The following LRMDA variants were observed in gnomAD, a reference collection of about 807,000 sequenced individuals.
LRMDA encodes leucine-rich melanocyte differentiation-associated protein.
LRMDA carries 18 observed loss-of-function variants against 29.8 expected under a neutral mutation model. The ratio of observed to expected loss-of-function variants is 0.60; its 90% CI spans 0.42 to 0.90. The LOEUF (loss-of-function observed/expected upper bound fraction) is 0.90, where lower values mean the gene tolerates loss of function less well. Ranked by LOEUF, LRMDA falls within the 40% of genes least tolerant of loss-of-function variation. The pLI, the probability that LRMDA is intolerant of heterozygous loss-of-function variation, is 0.00. For missense variants in LRMDA, 273 were observed against 273.9 expected (o/e 1.00, Z 0.02); for synonymous variants, 125 against 109.4 (o/e 1.14, Z -0.89).
At chr10:75,696,332 T>C (rs966765629) in intron 2 of LRMDA, among the ~76,000 whole-genome samples, 11 of 152,238 alleles carry the variant, frequency 7.2e-5, no homozygotes, top group African/African-American at 2.7e-4. Flanking sequence ...TCTTGGGCAT[T>C]GCTGGACACT....
At chr10:76,323,499 TA>T (rs899998617) in intron 5 of LRMDA, among the ~76,000 whole-genome samples, 49 of 148,590 alleles carry the variant, frequency 3.3e-4, no homozygotes, top group South Asian at 6.4e-4. Context: ...TTTGGGATAT[TA>T]AAAAAAAAAG....
At chr10:75,575,285 C>G (rs551895408) in intron 2 of LRMDA, among the ~76,000 whole-genome samples, 1 of 152,216 alleles carries the variant, frequency 6.6e-6, no homozygotes, top group Non-Finnish European at 1.5e-5. Context: ...AATCTCATGT[C>G]CTTCTCACAT....
chr10:75,923,455 G>A (rs936112843), intron 2 of LRMDA, among the ~76,000 whole-genome samples: 2 of 152,090 alleles, frequency 1.3e-5, no homozygotes, highest in African/African-American at 2.4e-5. Context: ...AAAAACAGCC[G>A]GGAGAGGAAC....
intron 2 of LRMDA, among the ~76,000 whole-genome samples, chr10:75,741,662 A>G (rs1238809361): frequency 2.0e-5 from 3 of 152,158 alleles, no homozygotes; most frequent in Non-Finnish European, 4.4e-5. Context: ...TTTCAGAGCA[A>G]CCGCGTTCTT....
At chr10:76,279,902 A>G (rs1026859368) in intron 5 of LRMDA, among the ~76,000 whole-genome samples, 9 of 152,206 alleles carry the variant, frequency 5.9e-5, no homozygotes, top group African/African-American at 2.2e-4. Flanking sequence ...TGAGAAGTGA[A>G]GTAACCAGCC....
At chr10:76,466,041 T>C (rs1381442028) in intron 6 of LRMDA, among the ~76,000 whole-genome samples, 1 of 152,230 alleles carries the variant, frequency 6.6e-6, no homozygotes, top group Non-Finnish European at 1.5e-5. Context: ...CTGTGAATTT[T>C]TGGTGGGGCA....
Position 75,844,049 on chromosome 10 carries a change from C to T in LRMDA, c.132-191959C>T, listed in dbSNP as rs12354868. Reference sequence around the variant, plus strand: ...GAAAAAGTCCCCTCTCAGTGAGTGACTCCCTGGGCTAATTGCTGCATTACT... The same window carrying T: ...GAAAAAGTCCCCTCTCAGTGAGTGATTCCCTGGGCTAATTGCTGCATTACT... On this transcript the variant is annotated intron_variant, in intron 2 of 6. Transcript: ENST00000611255. Among the ~76,000 whole-genome samples the T allele has an allele frequency of 6.7e-3, 1,013 of 152,230 alleles. 2 individuals are homozygous for T. The highest frequency in any genetic ancestry group is 0.01 in the Non-Finnish European group (697 of 68,000).
intron 3 of LRMDA, among the ~76,000 whole-genome samples, chr10:76,043,227 G>T (rs1013847241): frequency 3.9e-5 from 6 of 152,170 alleles, no homozygotes; most frequent in Admixed American, 3.9e-4. Context: ...ATTGATGAAT[G>T]AGTTTGTTAA....
At chr10:76,545,817 A>G (rs1843414982) in intron 6 of LRMDA, among the ~76,000 whole-genome samples, 1 of 152,116 alleles carries the variant, frequency 6.6e-6, no homozygotes, top group African/African-American at 2.4e-5. Context: ...TTACAAGAGT[A>G]AAAAGCAATG....
chr10:75,785,097 G>A (rs1843449733), intron 2 of LRMDA, among the ~76,000 whole-genome samples: 2 of 152,210 alleles, frequency 1.3e-5, no homozygotes, highest in Admixed American at 6.5e-5. Context: ...ATGCAGCTGC[G>A]TGGATTCCTG....
At chr10:75,929,086 T>C (rs1263347941) in intron 2 of LRMDA, among the ~76,000 whole-genome samples, 1 of 152,162 alleles carries the variant, frequency 6.6e-6, no homozygotes, top group Non-Finnish European at 1.5e-5. Flanking sequence ...CTGAAAGCAC[T>C]CTGGGTCCTG....
intron 2 of LRMDA, among the ~76,000 whole-genome samples, chr10:75,957,090 G>T (rs1017026604): frequency 2.0e-5 from 3 of 152,210 alleles, no homozygotes; most frequent in Non-Finnish European, 4.4e-5. Context: ...TACTTAAGAA[G>T]TGTTTGCTAA....
intron 6 of LRMDA, among the ~76,000 whole-genome samples, chr10:76,413,850 T>A (rs1262355187): frequency 2.0e-5 from 3 of 152,192 alleles, no homozygotes; most frequent in Non-Finnish European, 4.4e-5. Context: ...CCTACATTTA[T>A]TGAGCACTTG....
chr10:75,451,235 G>C (rs1164088577), intron 2 of LRMDA: 2 of 152,202 alleles, frequency 1.3e-5, no homozygotes, highest in African/African-American at 2.4e-5. Flanking sequence ...TAGATACTGC[G>C]TGAGTGTGTC....
intron 6 of LRMDA, among the ~76,000 whole-genome samples, chr10:76,335,686 G>T (rs1840959042): frequency 6.6e-6 from 1 of 152,086 alleles, no homozygotes; most frequent in African/African-American, 2.4e-5. Flanking sequence ...CCAGGTTATA[G>T]GTAGATTTAA....
intron 2 of LRMDA, among the ~76,000 whole-genome samples, chr10:75,461,025 A>T (rs1336134399): frequency 6.6e-6 from 1 of 152,210 alleles, no homozygotes; most frequent in Non-Finnish European, 1.5e-5. Context: ...CGTAAGGGAA[A>T]ATAAATACCT....
chr10:75,922,996 A>G (rs1240974712), intron 2 of LRMDA, among the ~76,000 whole-genome samples: 1 of 152,206 alleles, frequency 6.6e-6, no homozygotes, highest in African/African-American at 2.4e-5. Flanking sequence ...TCTAAGGGAT[A>G]CTGATACTAT....
At chr10:75,773,745 A>G (rs1315824191) in intron 2 of LRMDA, among the ~76,000 whole-genome samples, 1 of 152,184 alleles carries the variant, frequency 6.6e-6, no homozygotes, top group African/African-American at 2.4e-5. Context: ...TATCTTTCTG[A>G]ATATGAGTCA....
At chr10:75,593,113 G>A (rs1840744287) in intron 2 of LRMDA, among the ~76,000 whole-genome samples, 1 of 152,064 alleles carries the variant, frequency 6.6e-6, no homozygotes, top group African/African-American at 2.4e-5. Flanking sequence ...AGTCAACCTG[G>A]GGGCAGCGAT....
Sources: gnomAD v4.1 joint callset for allele counts (sites outside exome capture counted in the v4.1 genomes callset) on GRCh38, gnomAD v4.1.1 for gene constraint, MANE v1.5 for transcripts, NCBI Gene and HGNC (gene_info 2026-07-23, HGNC 2026-07-21) for gene names.